Variants in SBF2 observed in about 807,000 individuals in gnomAD.
The protein encoded by SBF2 is SET binding factor 2.
Under a neutral mutation model 225.2 loss-of-function variants are expected in SBF2, and 112 were observed. The ratio of observed to expected loss-of-function variants is 0.50; its 90% confidence interval spans 0.43 to 0.58. The LOEUF (loss-of-function observed/expected upper bound fraction) is 0.58. SBF2 is among the 20% of genes least tolerant of loss of function. SBF2 has a pLI of 0.00. For synonymous variants in SBF2, 763 were observed against 773.3 expected, an observed-to-expected ratio of 0.99 and a Z score of 0.22; for missense variants, 1,996 against 2,206.2, an observed-to-expected ratio of 0.90 and a Z score of 1.91.
At position 9,853,563 on chromosome 11, in the gene SBF2, T is replaced by C. The variant is rs754783661; in HGVS notation, c.2513A>G (p.Lys838Arg). The change falls in exon 20 of 40, where the codon AAG (lysine) becomes AGG (arginine). Residue 838 changes from lysine (K) to arginine (R), a missense_variant. Lys to Arg is a conservative substitution (Grantham distance 26). Coordinates refer to ENST00000256190, the MANE Select transcript of SBF2 (RefSeq NM_030962.4). ...TESGVTQDHI[K>R]SLHCMIPGIV... ...ACCTGGTATCATGCAATGAAGGCTC[T>C]TGATGTGATCCTGAGTAACTCCACT... 22 of 1,613,898 alleles carry C rather than the reference T, an allele frequency of 1.4e-5. No homozygotes were observed. The African/African-American group carries it at 2.3e-4, about 17-fold the overall frequency.
intron 17 of SBF2, among the ~76,000 whole-genome samples, chr11:9,880,913 T>C (rs981558872): frequency 6.6e-6 from 1 of 152,194 alleles, no homozygotes; most frequent in African/African-American, 2.4e-5. Context: ...GAAATATGAT[T>C]TTCAAATTTA....
At position 9,829,768 on chromosome 11, in the gene SBF2, G is replaced by A. The variant is rs190313538; in HGVS notation, c.3653-272C>T. On this transcript the variant is annotated intron_variant, in intron 27 of 39. Transcript: ENST00000256190. ...CCCAGGTCTGGAAAACCAGCACAGGGCTACCCTTCCAAGCACAGATTGGGC... is the reference window on the plus strand; with the variant it reads ...CCCAGGTCTGGAAAACCAGCACAGGACTACCCTTCCAAGCACAGATTGGGC... The A allele has an allele frequency of 7.7e-4, 327 of 422,040 alleles. 1 individual carries two copies. Among genetic ancestry groups the A allele is most frequent in the South Asian group, 8.2e-4 (37 of 45,034 alleles). The allele number at this position is 422,040 out of a possible 1,614,324, so 26.1% of individuals were successfully genotyped here.
chr11:9,864,848 G>A (rs1356476121), intron 17 of SBF2, among the ~76,000 whole-genome samples: 1 of 152,072 alleles, frequency 6.6e-6, no homozygotes, highest in East Asian at 1.9e-4. Context: ...CCTGGGTTTG[G>A]TGGTCTCAAA....
rs559806326 is a variant in SBF2 at position 10,301,944 on chromosome 11, C to T, written n.386+2548G>A. 3.3e-5 allele frequency among the ~76,000 whole-genome samples: 5 copies of T among 152,324 alleles called. No individual in the cohort carries two copies. In the East Asian group the frequency reaches 7.7e-4, roughly 23 times the overall value. On this transcript the variant is annotated intron_variant and non_coding_transcript_variant, in intron 1 of 5. Coordinates refer to the SBF2 transcript ENST00000685217. The stretch of plus-strand genomic sequence containing the variant: ...ATTTGTAATCTGACCTTTTGAAATT[C>T]TGGAGCACACAAAAAAAGTAGATCT...
chr11:9,907,308 A>G (rs977101185), intron 16 of SBF2, among the ~76,000 whole-genome samples: 2 of 152,286 alleles, frequency 1.3e-5, no homozygotes, highest in South Asian at 2.1e-4. Flanking sequence ...CCCTGCCACA[A>G]GCTGCTGCTT....
chr11:9,916,376 TATTAATGAAAATGTTTTTGAAATTC>T, intron 16 of SBF2, among the ~76,000 whole-genome samples: 1 of 152,296 alleles, frequency 6.6e-6, no homozygotes, highest in African/African-American at 2.4e-5. Context: ...TGCTGAGCAT[TATTAATGAAAATGTTTTTGAAATTC>T]AAAATCCAGT....
intron 1 of SBF2, among the ~76,000 whole-genome samples, chr11:10,197,490 T>A (rs11042664): frequency 0.095 from 14,464 of 152,272 alleles, 941 homozygotes; most frequent in East Asian, 0.29. Flanking sequence ...AAAAATGCTA[T>A]CAATCATCTG....
chr11:9,982,826 T>C (rs1359003007), intron 13 of SBF2, among the ~76,000 whole-genome samples: 1 of 151,978 alleles, frequency 6.6e-6, no homozygotes, highest in African/African-American at 2.4e-5. Context: ...AAGCTGAAGG[T>C]CTGTTTGTGG....
intron 2 of SBF2, among the ~76,000 whole-genome samples, chr11:10,122,269 T>G (rs1413902954): frequency 6.6e-6 from 1 of 152,190 alleles, no homozygotes; most frequent in South Asian, 2.1e-4. Context: ...AAGTGTTTAG[T>G]TAAGATGAAA....
intron 1 of SBF2, among the ~76,000 whole-genome samples, chr11:10,260,326 G>A (rs1961297221): frequency 2.0e-5 from 3 of 152,156 alleles, no homozygotes; most frequent in Non-Finnish European, 2.9e-5. Context: ...CCACACACCT[G>A]TAATCCCAGC....
At chr11:10,286,155 AACACGC>A (rs1380348791) in intron 1 of SBF2, among the ~76,000 whole-genome samples, 1 of 124,926 alleles carries the variant, frequency 8.0e-6, no homozygotes, top group African/African-American at 3.0e-5. Context: ...TCTTCACATA[AACACGC>A]ACACGCACAC....
At chr11:9,859,263 T>C in intron 17 of SBF2, among the ~76,000 whole-genome samples, 1 of 152,228 alleles carries the variant, frequency 6.6e-6, no homozygotes, top group East Asian at 1.9e-4. Context: ...TAACTGCCAA[T>C]TAGCACTTCT....
chr11:9,856,592 G>A lies in SBF2; in HGVS notation c.2229C>T (p.Val743=). The A allele has an allele frequency of 6.2e-7, 1 of 1,614,162 alleles. No homozygotes were observed. Among genetic ancestry groups the A allele is most frequent in the Non-Finnish European group, 8.5e-7 (1 of 1,180,038 alleles). Residue 743 remains valine, a synonymous_variant, in exon 19 of 40, where the codon GTC becomes GTT. Coordinates refer to ENST00000256190, the MANE Select transcript of SBF2 (RefSeq NM_030962.4). The stretch of plus-strand genomic sequence containing the variant: ...TTGCAAAGTGAATGGCCTGACTAAA[G>A]ACAGTGCTTTCCTCATGTTGCACTA... The part of the protein sequence containing the change: ...QELVQHEEST[V]FSQAIHFANL...
At chr11:10,192,016 A>G (rs1330461677) in intron 2 of SBF2, among the ~76,000 whole-genome samples, 1 of 152,112 alleles carries the variant, frequency 6.6e-6, no homozygotes, top group Non-Finnish European at 1.5e-5. Flanking sequence ...ATCTCTCCAC[A>G]CTTTGATGTG....
chr11:9,909,485 C>G lies in SBF2; in HGVS notation c.1861-13474G>C, dbSNP rs1406504812. Among the ~76,000 whole-genome samples the G allele has an allele frequency of 4.6e-5, 7 of 151,940 alleles. No homozygotes were observed. In the South Asian group the frequency reaches 6.2e-4, roughly 14 times the overall value. ...AGGAGATCGAGACCATCCTGGCTAA[C>G]ACAGTGAAACCCCACCTCTACTAAA... is the stretch of plus-strand genomic sequence containing the variant. On this transcript the variant is annotated intron_variant, in intron 16 of 39. Transcript: ENST00000256190.
intron 2 of SBF2, among the ~76,000 whole-genome samples, chr11:10,077,585 T>C (rs968108302): frequency 6.6e-6 from 1 of 152,236 alleles, no homozygotes; most frequent in Non-Finnish European, 1.5e-5. Context: ...GCAAGCCATA[T>C]GCAGAAAGCT....
chr11:9,987,660 C>T (rs1483472969), intron 13 of SBF2, among the ~76,000 whole-genome samples: 1 of 152,008 alleles, frequency 6.6e-6, no homozygotes, highest in Non-Finnish European at 1.5e-5. Context: ...GAACTCAACC[C>T]CTTTACAATA....
At chr11:9,854,405 A>G (rs1857170268) in intron 19 of SBF2, among the ~76,000 whole-genome samples, 1 of 152,120 alleles carries the variant, frequency 6.6e-6, no homozygotes, top group Non-Finnish European at 1.5e-5. Flanking sequence ...TGTTCAACCC[A>G]TCAGACTCTG....
At chr11:10,302,648 T>G (rs1964608584) in intron 1 of SBF2, 2 of 152,264 alleles carry the variant, frequency 1.3e-5, no homozygotes. Flanking sequence ...TGAAGCTGCC[T>G]GCAGCTCAAA....
Sources: gnomAD v4.1 joint callset for allele counts (sites outside exome capture counted in the v4.1 genomes callset) on GRCh38, gnomAD v4.1.1 for gene constraint, MANE v1.5 for transcripts, NCBI Gene and HGNC (gene_info 2026-07-23, HGNC 2026-07-21) for gene names.